The following PTPN12 variants were observed in gnomAD, a reference collection of about 807,000 sequenced individuals.
PTPN12 encodes tyrosine-protein phosphatase non-receptor type 12.
PTPN12 carries 29 observed loss-of-function variants against 97.6 expected under a neutral mutation model. That is an observed-to-expected ratio of 0.30 (90% CI 0.22 to 0.41). PTPN12 has a LOEUF of 0.41. Among genes scored for constraint, PTPN12 ranks in the 10% least tolerant of loss-of-function variants. The pLI, the probability that PTPN12 is intolerant of heterozygous loss-of-function variation, is 1.00. For missense variants in PTPN12, 819 were observed against 926.0 expected (o/e 0.88, Z 1.50); for synonymous variants, 327 against 300.4 (o/e 1.09, Z -0.91).
chr7:77,559,762 G>A (rs1332849785), intron 1 of PTPN12, among the ~76,000 whole-genome samples: 5 of 141,568 alleles, frequency 3.5e-5, no homozygotes, highest in Non-Finnish European at 6.0e-5. Context: ...GGTTATCAAT[G>A]TCTATTACGT....
At chr7:77,590,572 T>C (rs78979765) in intron 5 of PTPN12, among the ~76,000 whole-genome samples, 1 of 151,282 alleles carries the variant, frequency 6.6e-6, no homozygotes, top group Admixed American at 6.6e-5. Flanking sequence ...TTTTTTTTTT[T>C]TGTGGGGAGA....
chr7:77,579,640 A>T (rs1302523511), intron 2 of PTPN12, among the ~76,000 whole-genome samples: 1 of 152,230 alleles, frequency 6.6e-6, no homozygotes. Flanking sequence ...CTATAAATCT[A>T]AAATTAGTTC....
At chr7:77,555,988 C>T (rs1336412776) in intron 1 of PTPN12, among the ~76,000 whole-genome samples, 2 of 152,024 alleles carry the variant, frequency 1.3e-5, no homozygotes, top group African/African-American at 4.8e-5. Flanking sequence ...TATTGATTGC[C>T]CATCTATTCT....
chr7:77,558,567 C>T (rs1807836376), intron 1 of PTPN12, among the ~76,000 whole-genome samples: 1 of 152,140 alleles, frequency 6.6e-6, no homozygotes, highest in Non-Finnish European at 1.5e-5. Context: ...CATTTTATAC[C>T]TGTATGCAGA....
intron 2 of PTPN12, 111 bp from the exon 3 acceptor site, chr7:77,581,316 C>T: frequency 1.8e-6 from 1 of 558,142 alleles, no homozygotes; most frequent in South Asian, 3.2e-5. Context: ...CATTTTCATC[C>T]ATTGTTTTTT....
At chr7:77,616,343 A>G (rs946659134) in intron 11 of PTPN12, among the ~76,000 whole-genome samples, 1 of 152,106 alleles carries the variant, frequency 6.6e-6, no homozygotes, top group Non-Finnish European at 1.5e-5. Flanking sequence ...TTGGGGCTGT[A>G]GTATTACCCT....
Position 77,589,062 on chromosome 7 carries a change from T to TG in PTPN12, c.421-3119dup, listed in dbSNP as rs1257121386. Among the ~76,000 whole-genome samples, 3 of 152,148 alleles carry TG rather than the reference T, an allele frequency of 2.0e-5. No individual in the cohort carries two copies. The East Asian group carries it at 5.8e-4, about 29-fold the overall frequency. ...CTCATTTTTGTATTTTTAGTAGAGATGGGGTTTCACTGTGTTGGCCAGGCT... is the reference window on the plus strand; with the variant it reads ...CTCATTTTTGTATTTTTAGTAGAGATGGGGGTTTCACTGTGTTGGCCAGGCT... On this transcript the variant is annotated intron_variant, in intron 5 of 17. Coordinates refer to ENST00000248594, the MANE Select transcript of PTPN12 (RefSeq NM_002835.4).
At chr7:77,628,877 C>T (rs543711603) in intron 13 of PTPN12, among the ~76,000 whole-genome samples, 1 of 152,014 alleles carries the variant, frequency 6.6e-6, no homozygotes, top group East Asian at 1.9e-4. Flanking sequence ...TTATATACCA[C>T]CCATACTGTA....
rs202221437 is a variant in PTPN12, at chr7:77,634,192, G to A, written c.2075-1590G>A. ...TCCAGTTTGGTAACAGTGAGACCCC[G>A]TCTGTGGAAGAAAAAAAAAAGACCA... On this transcript the variant is annotated intron_variant, in intron 14 of 17. Coordinates refer to ENST00000248594, the MANE Select transcript of PTPN12 (RefSeq NM_002835.4). 9.9e-5 allele frequency among the ~76,000 whole-genome samples: 15 copies of A among 151,106 alleles called. No homozygotes were observed. In the East Asian group the frequency reaches 2.5e-3, roughly 26 times the overall value.
intron 13 of PTPN12, 134 bp downstream of exon 13, chr7:77,627,809 T>C (rs543736033): frequency 2.7e-5 from 23 of 844,352 alleles, no homozygotes; most frequent in South Asian, 1.1e-4. Flanking sequence ...CTGTCTTAGA[T>C]ACTAATTTTT....
At chr7:77,580,066 T>G (rs2151329175) in intron 2 of PTPN12, among the ~76,000 whole-genome samples, 1 of 152,338 alleles carries the variant, frequency 6.6e-6, no homozygotes, top group Middle Eastern at 3.4e-3. Context: ...GTGTTCATTG[T>G]AGTAATGTTT....
intron 8 of PTPN12, 174 bp downstream of exon 8, chr7:77,600,980 A>C (rs1788170948): frequency 3.5e-6 from 2 of 567,142 alleles, no homozygotes; most frequent in Admixed American, 7.0e-5. Flanking sequence ...GACCGTTTAG[A>C]GTATTGTTGC....
chr7:77,576,528 C>A (rs1354976559), intron 2 of PTPN12, among the ~76,000 whole-genome samples: 1 of 152,084 alleles, frequency 6.6e-6, no homozygotes, highest in Non-Finnish European at 1.5e-5. Flanking sequence ...GAAACCCCGC[C>A]TCTACTAAAA....
chr7:77,632,548 T>C, intron 14 of PTPN12, 123 bp downstream of exon 14: 1 of 715,176 alleles, frequency 1.4e-6, no homozygotes, highest in Non-Finnish European at 2.4e-6. Context: ...AGTAAATTGA[T>C]GTTGACATGC....
chr7:77,569,245 G>A (rs1404754814), intron 1 of PTPN12, among the ~76,000 whole-genome samples: 2 of 151,974 alleles, frequency 1.3e-5, no homozygotes, highest in Non-Finnish European at 2.9e-5. Flanking sequence ...TTTAACACCA[G>A]TAGTAATATA....
chr7:77,598,811 A>C (rs1052552071), intron 7 of PTPN12, among the ~76,000 whole-genome samples: 3 of 150,696 alleles, frequency 2.0e-5, no homozygotes, highest in Admixed American at 6.6e-5. Context: ...AAATGCAAAT[A>C]ATATATATAA....
At chr7:77,537,941 T>G in intron 1 of PTPN12, 10 of 691,352 alleles carry the variant, frequency 1.4e-5, no homozygotes, top group African/African-American at 2.0e-5. Flanking sequence ...ACCTATTGTT[T>G]ACCGGGCCGG....
At chr7:77,561,281 A>C (rs919729166) in intron 1 of PTPN12, among the ~76,000 whole-genome samples, 10 of 152,202 alleles carry the variant, frequency 6.6e-5, no homozygotes. Flanking sequence ...GCTAAGTCAT[A>C]CAGGGATGTA....
At chr7:77,615,708 C>G (rs1788728498) in intron 11 of PTPN12, among the ~76,000 whole-genome samples, 1 of 152,156 alleles carries the variant, frequency 6.6e-6, no homozygotes, top group African/African-American at 2.4e-5. Context: ...ATGATCATGC[C>G]ACTGCATTAG....
Sources: allele counts gnomAD v4.1 joint callset (sites outside exome capture counted in the v4.1 genomes callset), GRCh38; gene constraint gnomAD v4.1.1; transcripts MANE v1.5; gene names NCBI Gene and HGNC (gene_info 2026-07-23, HGNC 2026-07-21).